DYM: variants seen among roughly 807,000 people sequenced by gnomAD.
DYM encodes dymeclin.
A neutral mutation model predicts 93.1 loss-of-function variants in DYM; 78 were observed. That is an observed-to-expected ratio of 0.84 (90% confidence interval 0.70 to 1.01). The LOEUF is 1.01. Among genes scored for constraint, DYM ranks in the 50% least tolerant of loss-of-function variants. The pLI, the probability that DYM is intolerant of heterozygous loss-of-function variation, is 0.00. For missense variants in DYM, 789 were observed against 845.0 expected (o/e 0.93, Z 0.82); for synonymous variants, 321 against 319.7 (o/e 1.00, Z -0.04).
chr18:49,088,716 A>C (rs143609372), intron 17 of DYM, among the ~76,000 whole-genome samples: 76 of 152,328 alleles, frequency 5.0e-4, no homozygotes, highest in African/African-American at 1.7e-3. Context: ...TCAGTTACAC[A>C]AATTGGTCTA....
chr18:49,455,503 C>T (rs2082905031), intron 1 of DYM, among the ~76,000 whole-genome samples: 1 of 152,168 alleles, frequency 6.6e-6, no homozygotes, highest in African/African-American at 2.4e-5. Context: ...CTCTAACAAA[C>T]ATATAAAGTA....
At chr18:49,457,743 G>T (rs563036836) in intron 1 of DYM, among the ~76,000 whole-genome samples, 13 of 152,302 alleles carry the variant, frequency 8.5e-5, no homozygotes, top group African/African-American at 2.9e-4. Context: ...AGACTTTGCA[G>T]GCGTGATTAA....
intron 1 of DYM, among the ~76,000 whole-genome samples, chr18:49,438,136 T>C (rs1457032315): frequency 1.3e-5 from 2 of 152,216 alleles, no homozygotes; most frequent in Non-Finnish European, 2.9e-5. Flanking sequence ...TCTACACCAC[T>C]GCACTGTGCA....
intron 13 of DYM, among the ~76,000 whole-genome samples, chr18:49,232,288 CTTCTTTTTTGATTTT>C (rs1193676622): frequency 4.6e-5 from 7 of 151,366 alleles, no homozygotes; most frequent in African/African-American, 1.7e-4. Flanking sequence ...AACAGAATTT[CTTCTTTTTTGATTTT>C]TTCTTTTTTT....
chr18:49,232,394 C>T (rs1242325215), intron 13 of DYM, among the ~76,000 whole-genome samples: 17 of 151,360 alleles, frequency 1.1e-4, no homozygotes, highest in Non-Finnish European at 2.2e-4. Context: ...GCAAGATCCA[C>T]GTGGGTTCAT....
intron 8 of DYM, among the ~76,000 whole-genome samples, chr18:49,293,628 G>A (rs1305956338): frequency 6.6e-6 from 1 of 152,172 alleles, no homozygotes; most frequent in African/African-American, 2.4e-5. Context: ...CTTCTTTTGA[G>A]AAGTGTCTGT....
At chr18:49,188,276 G>A (rs772336427) in intron 14 of DYM, among the ~76,000 whole-genome samples, 4 of 152,150 alleles carry the variant, frequency 2.6e-5, no homozygotes, top group African/African-American at 4.8e-5. Context: ...TTCATATGAG[G>A]TGGGAAGTAG....
chr18:49,213,389 C>A (rs555068696), intron 13 of DYM, among the ~76,000 whole-genome samples: 11 of 151,852 alleles, frequency 7.2e-5, no homozygotes, highest in Admixed American at 2.6e-4. Flanking sequence ...CTCCGCCTCC[C>A]GGGTTCAAGC....
intron 6 of DYM, among the ~76,000 whole-genome samples, chr18:49,361,566 A>G (rs906068621): frequency 7.2e-5 from 11 of 152,234 alleles, no homozygotes; most frequent in African/African-American, 2.7e-4. Context: ...CTTCATAGAT[A>G]CAATAATAAT....
chr18:49,417,952 G>C (rs113698074), intron 2 of DYM: 13,891 of 151,922 alleles, frequency 0.091, 852 homozygotes, highest in East Asian at 0.31. Flanking sequence ...CCCAGCTACT[G>C]GGGAGGCTGA....
chr18:49,212,640 T>C (rs1048052977), intron 13 of DYM, among the ~76,000 whole-genome samples: 11 of 152,082 alleles, frequency 7.2e-5, no homozygotes, highest in African/African-American at 2.7e-4. Context: ...GAACCACAAG[T>C]GTGTGCCACC....
intron 12 of DYM, 58 bp from the exon 13 acceptor site, chr18:49,257,162 A>T: frequency 7.5e-7 from 1 of 1,330,074 alleles, no homozygotes; most frequent in Non-Finnish European, 1.1e-6. Context: ...ATTTTAACCA[A>T]GGTTAACTAT....
intron 10 of DYM, among the ~76,000 whole-genome samples, chr18:49,279,331 C>T (rs1194747535): frequency 3.3e-5 from 5 of 152,222 alleles, no homozygotes; most frequent in Non-Finnish European, 5.9e-5. Context: ...ATCTGTTAAA[C>T]ATTACCTTCT....
intron 5 of DYM, among the ~76,000 whole-genome samples, chr18:49,370,913 G>A (rs180775814): frequency 1.3e-5 from 2 of 152,260 alleles, no homozygotes; most frequent in Non-Finnish European, 2.9e-5. Flanking sequence ...AAATTTCTAA[G>A]GACTCCAACC....
chr18:49,262,572 TAAG>T (rs1332665636), intron 11 of DYM, among the ~76,000 whole-genome samples: 1 of 152,222 alleles, frequency 6.6e-6, no homozygotes, highest in Non-Finnish European at 1.5e-5. Context: ...TTGATACATA[TAAG>T]AAGAATATTC....
intron 6 of DYM, among the ~76,000 whole-genome samples, chr18:49,337,968 G>A (rs1466649505): frequency 2.0e-5 from 3 of 152,122 alleles, no homozygotes; most frequent in Admixed American, 2.0e-4. Context: ...AAAAGAAGGT[G>A]GGGGAAAGGG....
intron 8 of DYM, among the ~76,000 whole-genome samples, chr18:49,287,917 G>A (rs1339225619): frequency 6.6e-6 from 1 of 151,072 alleles, no homozygotes; most frequent in Non-Finnish European, 1.5e-5. Context: ...TGAGTCTACT[G>A]TAGCTCAAAT....
At chr18:49,391,289 A>G (rs926416640) in intron 3 of DYM, 2 of 336,190 alleles carry the variant, frequency 5.9e-6, no homozygotes, top group Non-Finnish European at 1.2e-5. Flanking sequence ...AACATAGTCA[A>G]TAACAGCACT....
chr18:49,430,374 T>A lies in DYM; in HGVS notation c.21A>T (p.Arg7Ser), dbSNP rs765630940. 6.2e-6 allele frequency: 10 copies of A among 1,613,806 alleles called. No homozygotes were observed. In the East Asian group the frequency reaches 2.0e-4, roughly 32 times the overall value. Residue 7 changes from arginine to serine, a missense_variant, in exon 2 of 18, where the codon AGA becomes AGT. Physicochemically the swap from Arg to Ser is moderately radical, Grantham distance 110. Transcript: ENST00000675505. Reference protein sequence around the residue: MGSNSSRIGDLPKNEYL... With the variant: MGSNSSSIGDLPKNEYL... ...ACTCATTTTTAGGAAGATCGCCGATTCTGCTGCTATTCGATCCCATCTTCT... is the reference window on the plus strand; with the variant it reads ...ACTCATTTTTAGGAAGATCGCCGATACTGCTGCTATTCGATCCCATCTTCT...
Sources: gnomAD v4.1 joint callset for allele counts (sites outside exome capture counted in the v4.1 genomes callset) on GRCh38, gnomAD v4.1.1 for gene constraint, MANE v1.5 for transcripts, NCBI Gene and HGNC (gene_info 2026-07-23, HGNC 2026-07-21) for gene names.